TATDN1: variants seen among roughly 807,000 people sequenced by gnomAD.
TATDN1 encodes deoxyribonuclease TATDN1.
Under a neutral mutation model 46.4 loss-of-function variants are expected in TATDN1, and 40 were observed. The ratio of observed to expected loss-of-function variants is 0.86; its 90% CI spans 0.67 to 1.12. TATDN1 has a LOEUF of 1.12. Among genes scored for constraint, TATDN1 ranks in the 50% most tolerant of loss-of-function variants. TATDN1 has a pLI of 0.00. For synonymous variants in TATDN1, 95 were observed against 105.6 expected, an observed-to-expected ratio of 0.90 and a Z score of 0.62; for missense variants, 326 against 348.4, an observed-to-expected ratio of 0.94 and a Z score of 0.51.
At chr8:124,508,734 A>G in intron 6 of TATDN1, 46 bp from the exon 7 acceptor site, 2 of 1,233,948 alleles carry the variant, frequency 1.6e-6, no homozygotes, top group Non-Finnish European at 2.2e-6. Flanking sequence ...ATTGTATTTT[A>G]GCATGAGGAA....
At chr8:124,496,423 A>G (rs1817471552) in intron 9 of TATDN1, among the ~76,000 whole-genome samples, 1 of 152,220 alleles carries the variant, frequency 6.6e-6, no homozygotes, top group African/African-American at 2.4e-5. Context: ...ATATGCAATG[A>G]CACGTATCTA....
rs541142952 is a variant in TATDN1, at chr8:124,538,716, T to G, written c.22+309A>C. On this transcript the variant is annotated intron_variant, in intron 1 of 11. Coordinates refer to ENST00000276692, the MANE Select transcript of TATDN1 (RefSeq NM_032026.4). ...GGTGCACGTGGGATGAATGGAAACA[T>G]AGTGATTGGCCTTTTTGGAGTTTTC... Among the ~76,000 whole-genome samples the G allele has an allele frequency of 9.8e-5, 15 of 152,346 alleles. 1 individual carries two copies. The South Asian group carries it at 3.1e-3, about 32-fold the overall frequency.
intron 1 of TATDN1, 120 bp downstream of exon 1, chr8:124,538,905 T>C: frequency 8.3e-7 from 1 of 1,205,074 alleles, no homozygotes; most frequent in Non-Finnish European, 1.2e-6. Flanking sequence ...CCTCCTCCAC[T>C]GAGCGGCCCT....
intron 1 of TATDN1, among the ~76,000 whole-genome samples, chr8:124,533,332 C>T (rs1228800135): frequency 5.9e-5 from 9 of 151,850 alleles, no homozygotes; most frequent in Non-Finnish European, 1.3e-4. Flanking sequence ...AGAAAAGTAT[C>T]TCATAGGAGG....
chr8:124,511,812 C>G (rs1367335322), intron 6 of TATDN1, among the ~76,000 whole-genome samples: 1 of 152,002 alleles, frequency 6.6e-6, no homozygotes, highest in East Asian at 1.9e-4. Flanking sequence ...TAACAACAGC[C>G]ATGATTGTGC....
chr8:124,503,127 C>T (rs1338309419), intron 9 of TATDN1, among the ~76,000 whole-genome samples: 1 of 152,074 alleles, frequency 6.6e-6, no homozygotes, highest in Admixed American at 6.6e-5. Context: ...ATAATGAAAA[C>T]ATTGAGTATG....
intron 11 of TATDN1, among the ~76,000 whole-genome samples, chr8:124,493,050 T>A (rs761922876): frequency 4.6e-5 from 7 of 152,192 alleles, no homozygotes; most frequent in Admixed American, 6.5e-5. Flanking sequence ...ACTGTTCTTA[T>A]CTGGCTTATC....
chr8:124,516,266 C>A (rs1819463749), intron 4 of TATDN1, among the ~76,000 whole-genome samples: 1 of 151,582 alleles, frequency 6.6e-6, no homozygotes, highest in Non-Finnish European at 1.5e-5. Context: ...TCAACTTTTT[C>A]TAAAGCTTGG....
chr8:124,505,113 A>G (rs1046270263), intron 8 of TATDN1, among the ~76,000 whole-genome samples: 1 of 150,900 alleles, frequency 6.6e-6, no homozygotes, highest in Non-Finnish European at 1.5e-5. Context: ...GGCCAGGCGC[A>G]ATGGCTCACG....
At chr8:124,522,309 A>G (rs1820119364) in intron 2 of TATDN1, 109 bp from the exon 3 acceptor site, 1 of 724,700 alleles carries the variant, frequency 1.4e-6, no homozygotes, top group Non-Finnish European at 2.4e-6. Flanking sequence ...GAAATTATAA[A>G]CTTCTACAGG....
rs990021858 is a variant in TATDN1 at position 124,522,189 on chromosome 8, C to T, written c.100G>A (p.Asp34Asn). The T allele has an allele frequency of 6.3e-7, 1 of 1,593,764 alleles. No individual in the cohort carries two copies. The change falls in exon 3 of 12, where the codon GAT becomes AAT. Residue 34 changes from aspartate (D) to asparagine (N), a missense_variant. Asp to Asn is a conservative substitution (Grantham distance 23). Coordinates refer to ENST00000276692, the MANE Select transcript of TATDN1 (RefSeq NM_032026.4). ...ATCTCGACAGCTCTCCCTATTACAT[C>T]CTGTAAGTCATCTGTAAAAGATAAA... ...GVQKHQDDLQDVIGRAVEIGV... is the reference protein window; with the variant it reads ...GVQKHQDDLQNVIGRAVEIGV...
intron 8 of TATDN1, chr8:124,504,706 A>T (rs931270756): frequency 6.3e-6 from 1 of 158,940 alleles, no homozygotes; most frequent in African/African-American, 2.4e-5. Flanking sequence ...CACTATTTAA[A>T]AGAATTTTTA....
At chr8:124,494,122 T>C in intron 10 of TATDN1, 163 bp from the exon 11 acceptor site, 1 of 601,272 alleles carries the variant, frequency 1.7e-6, no homozygotes, top group Non-Finnish European at 2.6e-6. Context: ...CAAGATAAAA[T>C]CTTGAATTGC....
At chr8:124,525,453 A>T (rs1207516005) in intron 1 of TATDN1, among the ~76,000 whole-genome samples, 1 of 152,088 alleles carries the variant, frequency 6.6e-6, no homozygotes, top group Non-Finnish European at 1.5e-5. Context: ...AGCCAGTCTT[A>T]GTAAATTCTT....
chr8:124,495,476 CTCAA>C lies in TATDN1; in HGVS notation c.656_659del (p.Ile219ArgfsTer19). On this transcript the variant is annotated frameshift_variant, in exon 10 of 12. Coordinates refer to ENST00000276692, the MANE Select transcript of TATDN1 (RefSeq NM_032026.4). LOFTEE classifies it high-confidence loss of function. ...AAGTTCTGAAAACAAACTTACCTGT[CTCAA>C]TCATTAATTTTTCACTAGGAATTGA... The C allele has an allele frequency of 6.2e-7, 1 of 1,606,616 alleles. No individual in the cohort carries two copies. Among genetic ancestry groups the C allele is most frequent in the Non-Finnish European group, 8.5e-7 (1 of 1,177,094 alleles).
chr8:124,488,535 T>C lies in TATDN1; in HGVS notation c.*59A>G. 1.2e-6 allele frequency: 1 copy of C among 859,374 alleles called. No individual in the cohort carries two copies. Among genetic ancestry groups the C allele is most frequent in the South Asian group, 1.5e-5 (1 of 64,658 alleles). 53.2% of individuals were successfully genotyped at this position (859,374 alleles called of 1,614,324 possible). ...GCAGATAATTTCTTTATTGAAACTA[T>C]CAGGAAGTTTTACTATGAAATTTTA... On this transcript the variant is annotated 3_prime_UTR_variant, in exon 12 of 12. Coordinates refer to ENST00000276692, the MANE Select transcript of TATDN1 (RefSeq NM_032026.4).
chr8:124,499,840 G>A (rs965991110), intron 9 of TATDN1, among the ~76,000 whole-genome samples: 6 of 150,490 alleles, frequency 4.0e-5, no homozygotes, highest in Admixed American at 6.6e-5. Context: ...CACTGCGCCC[G>A]GCCCCCATGT....
intron 11 of TATDN1, chr8:124,491,360 G>T (rs1816977181): frequency 6.6e-6 from 1 of 152,370 alleles, no homozygotes; most frequent in Non-Finnish European, 1.5e-5. Flanking sequence ...AGGCCCTTCT[G>T]CAGTCTGCCT....
In TATDN1 at chr8:124,536,469, C is replaced by T. The variant is rs1017837029; in HGVS notation, c.22+2556G>A. ...GGATGAGGCAGGAAGATCACTTGAG[C>T]CTAGGAGGTCAATGCTGGAGCCATG... On this transcript the variant is annotated intron_variant, in intron 1 of 11. Coordinates refer to ENST00000276692, the MANE Select transcript of TATDN1 (RefSeq NM_032026.4). Among the ~76,000 whole-genome samples the T allele has an allele frequency of 2.0e-5, 3 of 152,072 alleles. No individual in the cohort carries two copies. In the South Asian group the frequency reaches 6.2e-4, roughly 31 times the overall value.
Sources: gnomAD v4.1 joint callset for allele counts (sites outside exome capture counted in the v4.1 genomes callset) on GRCh38, gnomAD v4.1.1 for gene constraint, MANE v1.5 for transcripts, NCBI Gene and HGNC (gene_info 2026-07-23, HGNC 2026-07-21) for gene names.